The following ABCC4 variants were observed in gnomAD, a reference collection of about 807,000 sequenced individuals.
ABCC4 encodes ATP binding cassette subfamily C member 4 (PEL blood group), also known as ATP-binding cassette sub-family C member 4.
Under a neutral mutation model 168.5 loss-of-function variants are expected in ABCC4, and 102 were observed. The observed-to-expected ratio is 0.61, with a 90% CI of 0.52 to 0.71. The LOEUF is 0.71. Among genes scored for constraint, ABCC4 ranks in the 30% least tolerant of loss-of-function variants. ABCC4 has a pLI of 0.00. For missense variants in ABCC4, 1,402 were observed against 1,605.8 expected (o/e 0.87, Z 2.17); for synonymous variants, 617 against 590.7 (o/e 1.04, Z -0.65).
chr13:95,163,992 G>C (rs2037182870), intron 16 of ABCC4, among the ~76,000 whole-genome samples: 1 of 143,332 alleles, frequency 7.0e-6, no homozygotes, highest in African/African-American at 2.6e-5. Context: ...AGTGAGCCAA[G>C]ATCGCGCCAC....
chr13:95,022,172 G>A (rs1285508372), intron 30 of ABCC4, among the ~76,000 whole-genome samples: 4 of 152,118 alleles, frequency 2.6e-5, no homozygotes, highest in Non-Finnish European at 5.9e-5. Flanking sequence ...GAAACATCCC[G>A]GCGTTTAATT....
chr13:95,276,706 C>T (rs921847107), intron 1 of ABCC4, among the ~76,000 whole-genome samples: 6 of 152,092 alleles, frequency 3.9e-5, no homozygotes, highest in African/African-American at 1.2e-4. Flanking sequence ...TATAGAGATG[C>T]CTTTATTAAT....
chr13:95,190,049 A>G (rs2038205302), intron 9 of ABCC4, among the ~76,000 whole-genome samples: 1 of 152,166 alleles, frequency 6.6e-6, no homozygotes, highest in African/African-American at 2.4e-5. Flanking sequence ...TAAAAAAAAA[A>G]AAGTTGTTTT....
At chr13:95,075,144 G>A in intron 22 of ABCC4, 1 of 374,384 alleles carries the variant, frequency 2.7e-6, no homozygotes, top group Non-Finnish European at 4.9e-6. Context: ...CACTTACTAG[G>A]TGGCCTTTTG....
At chr13:95,204,370 C>T (rs889245475) in intron 8 of ABCC4, among the ~76,000 whole-genome samples, 1 of 152,214 alleles carries the variant, frequency 6.6e-6, no homozygotes, top group African/African-American at 2.4e-5. Flanking sequence ...CGAATCTCAG[C>T]TTGAACTGTA....
chr13:95,025,261 ACCCC>A (rs1673063115), intron 30 of ABCC4, among the ~76,000 whole-genome samples: 1 of 15,780 alleles, frequency 6.3e-5, no homozygotes, highest in Non-Finnish European at 1.1e-4. Flanking sequence ...ACACACACAC[ACCCC>A]CACACCCCCA....
At chr13:95,161,723 A>T (rs963821205) in intron 18 of ABCC4, 1 of 153,444 alleles carries the variant, frequency 6.5e-6, no homozygotes, top group Non-Finnish European at 1.5e-5. Context: ...ATGTTTTGAT[A>T]CCAACATGTG....
chr13:95,078,280 C>T (rs551475499), intron 21 of ABCC4, among the ~76,000 whole-genome samples: 43 of 152,146 alleles, frequency 2.8e-4, no homozygotes, highest in South Asian at 8.3e-4. Flanking sequence ...GGTGTGGTGG[C>T]GGGCGCCTGT....
At chr13:95,220,150 A>C (rs577836077) in intron 4 of ABCC4, among the ~76,000 whole-genome samples, 3 of 151,134 alleles carry the variant, frequency 2.0e-5, no homozygotes, top group Non-Finnish European at 4.4e-5. Flanking sequence ...ATAGGTGTGA[A>C]CCAACGTGCC....
At chr13:95,263,411 T>C (rs1351243924) in intron 1 of ABCC4, among the ~76,000 whole-genome samples, 1 of 152,200 alleles carries the variant, frequency 6.6e-6, no homozygotes, top group East Asian at 1.9e-4. Context: ...TGTATATGTG[T>C]GTGTATATAT....
intron 9 of ABCC4, among the ~76,000 whole-genome samples, chr13:95,190,205 T>C (rs1397112841): frequency 2.0e-5 from 3 of 151,694 alleles, no homozygotes; most frequent in Non-Finnish European, 2.9e-5. Flanking sequence ...CAGCCAGGCA[T>C]GGTGTGTGCC....
chr13:95,205,798 C>T (rs1485593689), intron 8 of ABCC4, among the ~76,000 whole-genome samples: 1 of 152,184 alleles, frequency 6.6e-6, no homozygotes, highest in East Asian at 1.9e-4. Flanking sequence ...TTACAGAAGG[C>T]TGGAGAGAAC....
chr13:95,193,237 G>T (rs1261748223), intron 9 of ABCC4, among the ~76,000 whole-genome samples: 2 of 152,244 alleles, frequency 1.3e-5, no homozygotes, highest in Non-Finnish European at 2.9e-5. Context: ...ACCGCCTATT[G>T]GCTCTTGGCT....
At chr13:95,285,571 T>G (rs547749613) in intron 1 of ABCC4, among the ~76,000 whole-genome samples, 30 of 152,240 alleles carry the variant, frequency 2.0e-4, no homozygotes, top group African/African-American at 7.0e-4. Flanking sequence ...TAAATAGCAG[T>G]TCCATATCCT....
At chr13:95,108,186 A>AG (rs1491287305) in intron 20 of ABCC4, among the ~76,000 whole-genome samples, 1 of 152,210 alleles carries the variant, frequency 6.6e-6, no homozygotes, top group Non-Finnish European at 1.5e-5. Flanking sequence ...CTAAAGACAC[A>AG]GGGGGTAAGA....
intron 20 of ABCC4, among the ~76,000 whole-genome samples, chr13:95,089,456 A>G (rs1031449747): frequency 3.3e-5 from 5 of 152,156 alleles, no homozygotes; most frequent in African/African-American, 1.2e-4. Context: ...CGTCTCTACT[A>G]AAAATACAAA....
In ABCC4 at chr13:95,194,834, A is replaced by G. The variant is rs1343196350; in HGVS notation, c.1263+2T>C. On this transcript the variant is annotated splice_donor_variant, in intron 9 of 30. Coordinates refer to ENST00000645237, the MANE Select transcript of ABCC4 (RefSeq NM_005845.5). LOFTEE classifies it high-confidence loss of function. ...CATGATCTTGCATTAAGGATATGTT[A>G]CCTTATCCCAAAAAGCAGTAAAATC... is the stretch of plus-strand genomic sequence containing the variant. 6.2e-7 allele frequency: 1 copy of G among 1,612,410 alleles called. No homozygotes were observed. The highest frequency in any genetic ancestry group is 1.7e-5 in the Admixed American group (1 of 59,958).
rs756094046 is a variant in ABCC4, at chr13:95,062,817, T to G, written c.3253A>C (p.Ile1085Leu). The change falls in exon 26 of 31, where the codon ATC becomes CTC. Residue 1085 changes from isoleucine (I) to leucine (L), a missense_variant. This residue lies in a region of ABCC4 where 1,007 missense variants were observed against 1,127.3 expected (regional missense o/e 0.89). Transcript: ENST00000645237. ...GRTGAGKSSL[I>L]SALFRLSEPE... ...TCTGACAATCTAAAAAGGGCTGAGATGAGGGAACTTTTTCCAGCTCCGGTT... is the reference window on the plus strand; with the variant it reads ...TCTGACAATCTAAAAAGGGCTGAGAGGAGGGAACTTTTTCCAGCTCCGGTT... 6.2e-7 allele frequency: 1 copy of G among 1,613,360 alleles called. No homozygotes were observed. Among genetic ancestry groups the G allele is most frequent in the Non-Finnish European group, 8.5e-7 (1 of 1,179,884 alleles).
Position 95,163,497 on chromosome 13 carries a change from G to A in ABCC4, c.2213+113C>T, listed in dbSNP as rs879250142. 24 of 1,039,200 alleles carry A rather than the reference G, an allele frequency of 2.3e-5. 1 individual carries two copies. Among genetic ancestry groups the A allele is most frequent in the South Asian group, 2.2e-4 (14 of 64,498 alleles). The allele number at this position is 1,039,200 out of a possible 1,614,324, so 64.4% of individuals were successfully genotyped here. On this transcript the variant is annotated intron_variant, in intron 17 of 30. Coordinates refer to ENST00000645237, the MANE Select transcript of ABCC4 (RefSeq NM_005845.5). ...CACTCTAATTTTTCTTCGGGTAAAC[G>A]AAGTGAGGATTAGAAGAGAAGGATC... is the stretch of plus-strand genomic sequence containing the variant.
Sources: gnomAD v4.1 joint callset for allele counts (sites outside exome capture counted in the v4.1 genomes callset) on GRCh38, gnomAD v4.1.1 for gene constraint, gnomAD v4.1.1 regional missense constraint, MANE v1.5 for transcripts, NCBI Gene and HGNC (gene_info 2026-07-23, HGNC 2026-07-21) for gene names.